ANKRD36: variants seen among roughly 807,000 people sequenced by gnomAD.
ANKRD36 encodes the protein ankyrin repeat domain-containing protein 36A.
A neutral mutation model predicts 278.1 loss-of-function variants in ANKRD36; 179 were observed. The observed-to-expected ratio is 0.64, with a 90% CI of 0.57 to 0.73. The LOEUF (loss-of-function observed/expected upper bound fraction) is 0.73, where lower values mean the gene tolerates loss of function less well. Ranked by LOEUF, ANKRD36 falls within the 30% of genes least tolerant of loss-of-function variation. The pLI is 0.00. For missense variants in ANKRD36, 1,159 were observed against 1,956.7 expected (o/e 0.59, Z 7.69); for synonymous variants, 320 against 641.1 (o/e 0.50, Z 7.57).
intron 16 of ANKRD36, 85 bp downstream of exon 16, chr2:97,158,252 G>A (rs1229871452): frequency 7.3e-7 from 1 of 1,362,066 alleles, no homozygotes; most frequent in Non-Finnish European, 1.0e-6. Context: ...TGTAGACAGA[G>A]TGTTACTCAC....
intron 30 of ANKRD36, 77 bp from the exon 31 acceptor site, chr2:97,187,121 A>G: frequency 6.3e-7 from 1 of 1,591,666 alleles, no homozygotes; most frequent in African/African-American, 1.3e-5. Context: ...ATACAGCTTG[A>G]TGCTAACACC....
chr2:97,146,272 G>T (rs2153456444), intron 10 of ANKRD36, among the ~76,000 whole-genome samples: 1 of 57,828 alleles, frequency 1.7e-5, no homozygotes, highest in East Asian at 2.6e-4. Flanking sequence ...CTGCCTACAT[G>T]ATTTTTTTTT....
chr2:97,140,453 C>T (rs1236848720), intron 6 of ANKRD36, among the ~76,000 whole-genome samples: 1 of 151,914 alleles, frequency 6.6e-6, no homozygotes, highest in African/African-American at 2.4e-5. Context: ...TTCTAATTTA[C>T]TACTCAGTGC....
intron 1 of ANKRD36, among the ~76,000 whole-genome samples, chr2:97,115,474 TAAA>T (rs1206059412): frequency 6.6e-6 from 1 of 152,132 alleles, no homozygotes; most frequent in African/African-American, 2.4e-5. Flanking sequence ...ACATATTAGA[TAAA>T]AAAGTGATTT....
intron 46 of ANKRD36, 45 bp from the exon 47 acceptor site, chr2:97,202,157 G>T (rs745949701): frequency 1.2e-6 from 2 of 1,606,242 alleles, no homozygotes. Context: ...GGAAATCTTT[G>T]TCATATTTAC....
chr2:97,122,155 C>T lies in ANKRD36; in HGVS notation c.487-732C>T, dbSNP rs187872457. On this transcript the variant is annotated intron_variant, in intron 3 of 75. Coordinates refer to ENST00000420699, the MANE Select transcript of ANKRD36 (RefSeq NM_001354587.1). Reference sequence around the variant, plus strand: ...TTGTCACCTGAGATTCTTACACCATCGATAGAAGAGAATGAGGCAAGTGTG... The same window carrying T: ...TTGTCACCTGAGATTCTTACACCATTGATAGAAGAGAATGAGGCAAGTGTG... Among the ~76,000 whole-genome samples, 3 of 85,098 alleles carry T rather than the reference C, an allele frequency of 3.5e-5. No homozygotes were observed. In the East Asian group the frequency reaches 7.3e-4, roughly 21 times the overall value. 55.8% of individuals were successfully genotyped at this position (85,098 alleles called of 152,430 possible).
intron 75 of ANKRD36, among the ~76,000 whole-genome samples, chr2:97,260,347 GATATAT>G (rs71218080): frequency 1.4e-3 from 159 of 117,592 alleles, no homozygotes; most frequent in East Asian, 3.7e-3. Context: ...TATTTTAAAA[GATATAT>G]ATATATATAT....
At chr2:97,207,049 A>T (rs2063053282) in intron 52 of ANKRD36, among the ~76,000 whole-genome samples, 1 of 151,552 alleles carries the variant, frequency 6.6e-6, no homozygotes, top group Admixed American at 6.6e-5. Context: ...TGAATGAAAA[A>T]CTGATCAATA....
At chr2:97,207,891 A>G in intron 53 of ANKRD36, 43 bp from the exon 54 acceptor site, 1 of 1,541,348 alleles carries the variant, frequency 6.5e-7, no homozygotes. Flanking sequence ...AGTCTATGAA[A>G]CATACTTTAT....
chr2:97,137,307 C>T (rs1408506312), intron 6 of ANKRD36, among the ~76,000 whole-genome samples: 4 of 151,834 alleles, frequency 2.6e-5, no homozygotes, highest in Non-Finnish European at 5.9e-5. Context: ...CCACCACACT[C>T]AGCTACTTTT....
chr2:97,233,020 A>G (rs1195246948), intron 67 of ANKRD36, among the ~76,000 whole-genome samples: 1 of 151,534 alleles, frequency 6.6e-6, no homozygotes, highest in Non-Finnish European at 1.5e-5. Context: ...AAAAAAAAAA[A>G]AAAAGATGAT....
At chr2:97,179,806 A>C in intron 23 of ANKRD36, 40 bp downstream of exon 23, 1 of 1,598,288 alleles carries the variant, frequency 6.3e-7, no homozygotes, top group Non-Finnish European at 8.5e-7. Flanking sequence ...TATTAACTGT[A>C]TAGTCTATGA....
intron 64 of ANKRD36, 97 bp downstream of exon 64, chr2:97,217,469 C>T (rs2066250788): frequency 6.6e-7 from 1 of 1,516,304 alleles, no homozygotes; most frequent in Admixed American, 2.1e-5. Context: ...TGAAAATGCA[C>T]TTTCTGATTC....
rs2066250788 is a variant in ANKRD36, at chr2:97,217,469, C to G, written c.3775+97C>G. 6 of 1,516,190 alleles carry G rather than the reference C, an allele frequency of 4.0e-6. No homozygotes were observed. In the South Asian group the frequency reaches 7.6e-5, roughly 19 times the overall value. 93.9% of individuals were successfully genotyped at this position (1,516,190 alleles called of 1,614,324 possible). ...CAGCAGGGTGCTCATTGAAAATGCA[C>G]TTTCTGATTCAGCAGGCCTGAGATT... On this transcript the variant is annotated intron_variant, in intron 64 of 75. Coordinates refer to ENST00000420699, the MANE Select transcript of ANKRD36 (RefSeq NM_001354587.1).
At chr2:97,206,983 C>T (rs1479303673) in intron 52 of ANKRD36, among the ~76,000 whole-genome samples, 2 of 151,482 alleles carry the variant, frequency 1.3e-5, no homozygotes, top group Non-Finnish European at 1.5e-5. Flanking sequence ...AAAAATTATG[C>T]TGGATTCTAA....
In ANKRD36 at chr2:97,127,118, T is replaced by C; in HGVS notation, c.783T>C (p.Pro261=). The part of the protein sequence containing the change: ...EYERKRYEDL[P]INSNPVSSQK... ...AAAGAAAGAGATATGAAGATCTTCCTATAAATAGCAATCCAGGTAAGATTT... is the reference window on the plus strand; with the variant it reads ...AAAGAAAGAGATATGAAGATCTTCCCATAAATAGCAATCCAGGTAAGATTT... Residue 261 remains proline (P), a synonymous_variant, in exon 6 of 76, where the codon CCT becomes CCC. Coordinates refer to ENST00000420699, the MANE Select transcript of ANKRD36 (RefSeq NM_001354587.1). 1 of 1,304,332 alleles carries C rather than the reference T, an allele frequency of 7.7e-7. No homozygotes were observed. Among genetic ancestry groups the C allele is most frequent in the Admixed American group, 2.4e-5 (1 of 41,376 alleles). The allele number at this position is 1,304,332 out of a possible 1,614,324, so 80.8% of individuals were successfully genotyped here.
At chr2:97,208,350 A>G (rs1364512992) in intron 54 of ANKRD36, among the ~76,000 whole-genome samples, 1 of 146,560 alleles carries the variant, frequency 6.8e-6, no homozygotes, top group Non-Finnish European at 1.5e-5. Flanking sequence ...GAATTTACAC[A>G]CTTCAGCTCG....
rs555617698 is a variant in ANKRD36 at position 97,203,801 on chromosome 2, C to T, written c.2960-267C>T. Among the ~76,000 whole-genome samples, 30 of 151,906 alleles carry T rather than the reference C, an allele frequency of 2.0e-4. No homozygotes were observed. In the East Asian group the frequency reaches 4.5e-3, roughly 23 times the overall value. ...TTGTCCTCATCACTCGGCATATCCA[C>T]ATTGATATTGACACGGTTTTATTTT... On this transcript the variant is annotated intron_variant, in intron 48 of 75. Coordinates refer to ENST00000420699, the MANE Select transcript of ANKRD36 (RefSeq NM_001354587.1).
At position 97,117,047 on chromosome 2, in the gene ANKRD36, C is replaced by CT. The variant is rs58474116; in HGVS notation, c.198-1001dup. 4.2e-3 allele frequency among the ~76,000 whole-genome samples: 601 copies of CT among 143,568 alleles called. 5 individuals carry two copies. The highest frequency in any genetic ancestry group is 0.013 in the African/African-American group (510 of 38,868). The allele number at this position is 143,568 out of a possible 152,430, so 94.2% of individuals were successfully genotyped here. ...TTAATCCCAGTTGGATCTTTTATTC[C>CT]TTTTTTTTTTTTTTTTAAACAAAAG... On this transcript the variant is annotated intron_variant, in intron 1 of 75. Coordinates refer to ENST00000420699, the MANE Select transcript of ANKRD36 (RefSeq NM_001354587.1).
Sources: gnomAD v4.1 joint callset for allele counts (sites outside exome capture counted in the v4.1 genomes callset) on GRCh38, gnomAD v4.1.1 for gene constraint, MANE v1.5 for transcripts, NCBI Gene and HGNC (gene_info 2026-07-23, HGNC 2026-07-21) for gene names.